The following HCN1 variants were observed in gnomAD, a reference collection of about 807,000 sequenced individuals.
HCN1 encodes potassium/sodium hyperpolarization-activated cyclic nucleotide-gated channel 1.
A neutral mutation model predicts 78.9 loss-of-function variants in HCN1; 13 were observed. That is an observed-to-expected ratio of 0.16 (90% CI 0.11 to 0.26). The LOEUF is 0.26. Among genes scored for constraint, HCN1 ranks in the 10% least tolerant of loss-of-function variants. HCN1 has a pLI of 1.00. For missense variants in HCN1, 810 were observed against 1,154.3 expected, an observed-to-expected ratio of 0.70 and a Z score of 4.32; for synonymous variants, 552 against 455.5, an observed-to-expected ratio of 1.21 and a Z score of -2.70.
At chr5:45,606,941 GA>G (rs967218980) in intron 2 of HCN1, among the ~76,000 whole-genome samples, 1 of 151,630 alleles carries the variant, frequency 6.6e-6, no homozygotes, top group Non-Finnish European at 1.5e-5. Flanking sequence ...GCTCACATTA[GA>G]AAAAATATGA....
At chr5:45,296,183 T>C (rs959695547) in intron 6 of HCN1, among the ~76,000 whole-genome samples, 16 of 151,934 alleles carry the variant, frequency 1.1e-4, no homozygotes, top group South Asian at 2.1e-4. Flanking sequence ...CAAATAACAA[T>C]GGAAGAATAT....
At chr5:45,665,199 C>A (rs1260122303) in intron 1 of HCN1, among the ~76,000 whole-genome samples, 1 of 150,446 alleles carries the variant, frequency 6.6e-6, no homozygotes, top group Non-Finnish European at 1.5e-5. Flanking sequence ...ATCGCAAGGA[C>A]TAAAAACCAA....
At chr5:45,275,547 T>C (rs1745039580) in intron 6 of HCN1, among the ~76,000 whole-genome samples, 1 of 152,192 alleles carries the variant, frequency 6.6e-6, no homozygotes, top group Non-Finnish European at 1.5e-5. Context: ...CTCTTCTTTA[T>C]CTGTGTCTTT....
chr5:45,351,103 T>G (rs1746890723), intron 5 of HCN1, among the ~76,000 whole-genome samples: 1 of 152,104 alleles, frequency 6.6e-6, no homozygotes, highest in African/African-American at 2.4e-5. Context: ...GCTGGAGGCA[T>G]CACGCTACCT....
intron 5 of HCN1, among the ~76,000 whole-genome samples, chr5:45,321,285 C>T (rs1291731934): frequency 6.6e-6 from 1 of 151,816 alleles, no homozygotes; most frequent in Non-Finnish European, 1.5e-5. Context: ...CATATTATAT[C>T]TCACTTATTT....
chr5:45,505,632 T>C (rs1011258438), intron 2 of HCN1, among the ~76,000 whole-genome samples: 3 of 152,136 alleles, frequency 2.0e-5, no homozygotes, highest in Admixed American at 1.3e-4. Context: ...CATTCTATTT[T>C]TGAAGACATT....
chr5:45,454,574 T>C (rs563388565), intron 3 of HCN1, among the ~76,000 whole-genome samples: 1 of 152,106 alleles, frequency 6.6e-6, no homozygotes, highest in African/African-American at 2.4e-5. Flanking sequence ...AATAATACAA[T>C]TTCTAAGCCA....
intron 1 of HCN1, among the ~76,000 whole-genome samples, chr5:45,688,751 A>T (rs1739853570): frequency 6.6e-6 from 1 of 152,132 alleles, no homozygotes; most frequent in Non-Finnish European, 1.5e-5. Flanking sequence ...CAACTGATAA[A>T]TGAATAAATT....
At chr5:45,380,333 C>T (rs536984346) in intron 4 of HCN1, among the ~76,000 whole-genome samples, 12 of 152,092 alleles carry the variant, frequency 7.9e-5, no homozygotes, top group Non-Finnish European at 1.8e-4. Context: ...TCCCAAAAGG[C>T]TCCCTCTTAA....
intron 5 of HCN1, among the ~76,000 whole-genome samples, chr5:45,335,767 C>T (rs979079472): frequency 2.0e-5 from 3 of 152,038 alleles, no homozygotes; most frequent in East Asian, 1.9e-4. Context: ...GTGTTTTGCT[C>T]ACTTAATCTT....
At chr5:45,499,213 GC>G in intron 2 of HCN1, among the ~76,000 whole-genome samples, 1 of 152,294 alleles carries the variant, frequency 6.6e-6, no homozygotes, top group East Asian at 1.9e-4. Flanking sequence ...ATCTCATATT[GC>G]TGTGCTAGTA....
chr5:45,369,372 GC>G (rs1747301652), intron 4 of HCN1, among the ~76,000 whole-genome samples: 1 of 151,794 alleles, frequency 6.6e-6, no homozygotes, highest in African/African-American at 2.4e-5. Context: ...ATGTAAATCT[GC>G]CCATGGCATA....
intron 2 of HCN1, among the ~76,000 whole-genome samples, chr5:45,504,911 T>C (rs1165382771): frequency 6.6e-5 from 10 of 152,220 alleles, no homozygotes; most frequent in African/African-American, 1.9e-4. Flanking sequence ...TTGAGAAGTG[T>C]CTGTTCATAT....
chr5:45,602,944 T>G (rs963693741), intron 2 of HCN1, among the ~76,000 whole-genome samples: 1 of 152,116 alleles, frequency 6.6e-6, no homozygotes, highest in African/African-American at 2.4e-5. Context: ...TCAACAAAAG[T>G]AAACTAATCC....
chr5:45,680,290 A>G (rs1387243853), intron 1 of HCN1, among the ~76,000 whole-genome samples: 1 of 152,184 alleles, frequency 6.6e-6, no homozygotes, highest in African/African-American at 2.4e-5. Context: ...TTCTGGAATC[A>G]CAACAGTGTA....
intron 2 of HCN1, among the ~76,000 whole-genome samples, chr5:45,564,454 T>C (rs1261715247): frequency 6.6e-6 from 1 of 152,044 alleles, no homozygotes; most frequent in Non-Finnish European, 1.5e-5. Context: ...ACCAGGATGG[T>C]CTCGATCTCC....
chr5:45,530,791 T>C (rs991156809), intron 2 of HCN1, among the ~76,000 whole-genome samples: 2 of 152,174 alleles, frequency 1.3e-5, no homozygotes, highest in African/African-American at 4.8e-5. Flanking sequence ...TAGGTTCTAT[T>C]ATTAACATAA....
intron 4 of HCN1, among the ~76,000 whole-genome samples, chr5:45,388,219 G>T (rs1747966959): frequency 6.6e-6 from 1 of 152,094 alleles, no homozygotes; most frequent in Non-Finnish European, 1.5e-5. Flanking sequence ...TGTGGCACAG[G>T]CCACTATTTT....
At chr5:45,629,210 A>G (rs1470323592) in intron 2 of HCN1, among the ~76,000 whole-genome samples, 1 of 151,930 alleles carries the variant, frequency 6.6e-6, no homozygotes, top group African/African-American at 2.4e-5. Context: ...ATAGAACTGA[A>G]AGGGGAAATG....
Sources: gnomAD v4.1 joint callset for allele counts (sites outside exome capture counted in the v4.1 genomes callset) on GRCh38, gnomAD v4.1.1 for gene constraint, MANE v1.5 for transcripts, NCBI Gene and HGNC (gene_info 2026-07-23, HGNC 2026-07-21) for gene names.